RXRA: variants seen among roughly 807,000 people sequenced by gnomAD.
RXRA encodes retinoid X receptor alpha, also known as retinoic acid receptor RXR-alpha.
RXRA carries 5 observed loss-of-function variants against 44.5 expected under a neutral mutation model. The ratio of observed to expected loss-of-function variants is 0.11; its 90% CI spans 0.06 to 0.24. The LOEUF is 0.24. RXRA is among the 10% of genes least tolerant of loss of function. The probability of loss-of-function intolerance (pLI) is 1.00; values close to 1 mark genes in which losing one functional copy is unlikely to be tolerated. For missense variants in RXRA, 412 were observed against 646.5 expected, an observed-to-expected ratio of 0.64 and a Z score of 3.93; for synonymous variants, 291 against 271.4, an observed-to-expected ratio of 1.07 and a Z score of -0.71.
At chr9:134,429,276 G>T (rs1451017873) in intron 7 of RXRA, 36 bp downstream of exon 7, 1 of 1,599,134 alleles carries the variant, frequency 6.3e-7, no homozygotes, top group East Asian at 2.2e-5. Context: ...GGGCGCTTCG[G>T]TCACCTCCGC....
chr9:134,387,566 C>T (rs761397149), intron 1 of RXRA, among the ~76,000 whole-genome samples: 10 of 152,232 alleles, frequency 6.6e-5, no homozygotes, highest in East Asian at 1.9e-4. Flanking sequence ...GAGGCTGTGC[C>T]GGGCAGTCTC....
intron 1 of RXRA, among the ~76,000 whole-genome samples, chr9:134,372,598 G>C (rs1830504330): frequency 6.6e-6 from 1 of 152,172 alleles, no homozygotes; most frequent in Admixed American, 6.5e-5. Context: ...CATCTTATGG[G>C]GTGGGTGTTA....
At position 134,438,260 on chromosome 9, in the gene RXRA, G is replaced by A. The variant is rs1291301254; in HGVS notation, c.*1646G>A. 1 of 152,322 alleles carries A rather than the reference G, an allele frequency of 6.6e-6. No homozygotes were observed. Among genetic ancestry groups the A allele is most frequent in the East Asian group, 1.9e-4 (1 of 5,198 alleles). 9.4% of individuals were successfully genotyped at this position (152,322 alleles called of 1,614,324 possible). ...CCCACCTGGAGCAGGGGCTTCCTCAGTGGTGAGGGGAGCTGCCTACAGGTT... is the reference window on the plus strand; with the variant it reads ...CCCACCTGGAGCAGGGGCTTCCTCAATGGTGAGGGGAGCTGCCTACAGGTT... On this transcript the variant is annotated 3_prime_UTR_variant, in exon 10 of 10. Transcript: ENST00000481739.
chr9:134,340,258 G>T (rs1588251301), intron 1 of RXRA, among the ~76,000 whole-genome samples: 1 of 152,194 alleles, frequency 6.6e-6, no homozygotes, highest in Non-Finnish European at 1.5e-5. Flanking sequence ...GGTCCTGAGG[G>T]CTCGGGGTCC....
chr9:134,377,989 G>A (rs35857337), intron 1 of RXRA, among the ~76,000 whole-genome samples: 109,228 of 152,082 alleles, frequency 0.72, 39,778 homozygotes, highest in East Asian at 0.79. Context: ...GCAGCTCAGC[G>A]TCGGCCACAC....
At chr9:134,422,321 C>T (rs1564294915) in intron 6 of RXRA, 1 of 1,287,970 alleles carries the variant, frequency 7.8e-7, no homozygotes, top group Non-Finnish European at 1.0e-6. Context: ...CCGGGACACT[C>T]CCCACTCCTG....
chr9:134,344,006 C>CT (rs1830118979), intron 1 of RXRA, among the ~76,000 whole-genome samples: 1 of 150,424 alleles, frequency 6.6e-6, no homozygotes, highest in Non-Finnish European at 1.5e-5. Flanking sequence ...GCTGAGGTTC[C>CT]CGGGGGCCGT....
At chr9:134,422,316 A>C (rs1450498315) in intron 6 of RXRA, 20 of 1,283,636 alleles carry the variant, frequency 1.6e-5, no homozygotes, top group Non-Finnish European at 1.8e-5. Context: ...CTTTCCCGGG[A>C]CACTCCCCAC....
chr9:134,353,573 G>A (rs1830247470), intron 1 of RXRA, among the ~76,000 whole-genome samples: 2 of 152,234 alleles, frequency 1.3e-5, no homozygotes, highest in African/African-American at 4.8e-5. Flanking sequence ...GGCCCCACGA[G>A]TCCACGAGCC....
chr9:134,427,385 A>G (rs1831452668), intron 6 of RXRA, among the ~76,000 whole-genome samples: 1 of 152,134 alleles, frequency 6.6e-6, no homozygotes, highest in African/African-American at 2.4e-5. Context: ...GGGATGCATG[A>G]CAGGCGGGGA....
chr9:134,430,488 A>G (rs527758432), intron 7 of RXRA, among the ~76,000 whole-genome samples: 1 of 152,224 alleles, frequency 6.6e-6, no homozygotes, highest in Non-Finnish European at 1.5e-5. Flanking sequence ...CAGAGTCCCA[A>G]GGGTGATCCT....
At position 134,438,242 on chromosome 9, in the gene RXRA, G is replaced by A. The variant is rs1303847475; in HGVS notation, c.*1628G>A. 1 of 152,458 alleles carries A rather than the reference G, an allele frequency of 6.6e-6. No homozygotes were observed. The highest frequency in any genetic ancestry group is 1.9e-4 in the East Asian group (1 of 5,180). 9.4% of individuals were successfully genotyped at this position (152,458 alleles called of 1,614,324 possible). On this transcript the variant is annotated 3_prime_UTR_variant, in exon 10 of 10. Coordinates refer to ENST00000481739, the MANE Select transcript of RXRA (RefSeq NM_002957.6). Reference sequence around the variant, plus strand: ...CCTTCTCCATAGTCTTTCCCCACCTGGAGCAGGGGCTTCCTCAGTGGTGAG... The same window carrying A: ...CCTTCTCCATAGTCTTTCCCCACCTAGAGCAGGGGCTTCCTCAGTGGTGAG...
At chr9:134,398,123 G>A (rs1830906721) in intron 1 of RXRA, among the ~76,000 whole-genome samples, 1 of 152,158 alleles carries the variant, frequency 6.6e-6, no homozygotes, top group Non-Finnish European at 1.5e-5. Flanking sequence ...GGAATTACAG[G>A]CGTGCACCAC....
chr9:134,339,677 G>C (rs1554747842), intron 1 of RXRA, among the ~76,000 whole-genome samples: 1 of 146,138 alleles, frequency 6.8e-6, no homozygotes, highest in African/African-American at 2.7e-5. Context: ...GTGTGAGCCT[G>C]TGTGTGTGTG....
chr9:134,352,739 G>A lies in RXRA; in HGVS notation c.28+26080G>A, dbSNP rs79658966. Reference sequence around the variant, plus strand: ...CGGGCAGTGTGGGGGCCAGCATGGGGCGGGCTCCACAGCTGACGGCTCGCA... The same window carrying A: ...CGGGCAGTGTGGGGGCCAGCATGGGACGGGCTCCACAGCTGACGGCTCGCA... On this transcript the variant is annotated intron_variant, in intron 1 of 9. Transcript: ENST00000481739. 4.3e-4 allele frequency among the ~76,000 whole-genome samples: 65 copies of A among 152,314 alleles called. 1 individual carries two copies. The East Asian group carries it at 0.012, about 29-fold the overall frequency.
rs1423902889 is a variant in RXRA, at chr9:134,426,663, C to T, written c.911-2445C>T. On this transcript the variant is annotated intron_variant, in intron 6 of 9. Coordinates refer to ENST00000481739, the MANE Select transcript of RXRA (RefSeq NM_002957.6). This position sits in a 1 kb window ranked among gnomAD's most constrained non-coding sequence, Gnocchi z 4.6. Reference sequence around the variant, plus strand: ...ACCAGAGTTTCAGAGGCGAGTCTACCCTGGTGCCTGCTGGGTGGCCTCAGG... The same window carrying T: ...ACCAGAGTTTCAGAGGCGAGTCTACTCTGGTGCCTGCTGGGTGGCCTCAGG... The T allele has an allele frequency of 1.0e-6, 1 of 985,290 alleles. No homozygotes were observed. Among genetic ancestry groups the T allele is most frequent in the Non-Finnish European group, 1.2e-6 (1 of 829,920 alleles). The allele number at this position is 985,290 out of a possible 1,614,324, so 61.0% of individuals were successfully genotyped here.
chr9:134,335,515 G>C (rs1417206193), intron 1 of RXRA, among the ~76,000 whole-genome samples: 4 of 152,202 alleles, frequency 2.6e-5, no homozygotes, highest in Non-Finnish European at 4.4e-5. Flanking sequence ...GAGGGTTTCT[G>C]AGGGTCTGAC....
chr9:134,382,605 T>TGG (rs1830662747), intron 1 of RXRA, among the ~76,000 whole-genome samples: 1 of 152,020 alleles, frequency 6.6e-6, no homozygotes, highest in African/African-American at 2.4e-5. Flanking sequence ...CATGGGGTGC[T>TGG]GGGGTGTGGA....
chr9:134,382,198 G>A (rs1830656811), intron 1 of RXRA, among the ~76,000 whole-genome samples: 2 of 152,112 alleles, frequency 1.3e-5, no homozygotes, highest in African/African-American at 4.8e-5. Flanking sequence ...CCCTGGGCTG[G>A]CGTCTGCCTC....
Sources: allele counts gnomAD v4.1 joint callset (sites outside exome capture counted in the v4.1 genomes callset), GRCh38; gene constraint gnomAD v4.1.1; non-coding constraint Gnocchi (gnomAD v3.1); transcripts MANE v1.5; gene names NCBI Gene and HGNC (gene_info 2026-07-23, HGNC 2026-07-21).